The following MAPK6 variants were observed in gnomAD, a reference collection of about 807,000 sequenced individuals.
The protein encoded by MAPK6 is ERK-3.
In MAPK6, 19 loss-of-function variants were observed where a neutral mutation model predicts 59.3. The observed-to-expected ratio is 0.32, with a 90% CI of 0.22 to 0.47. MAPK6 has a LOEUF of 0.47. Among genes scored for constraint, MAPK6 ranks in the 20% least tolerant of loss-of-function variants. The pLI is 1.00. For synonymous variants in MAPK6, 316 were observed against 290.3 expected, an observed-to-expected ratio of 1.09 and a Z score of -0.90; for missense variants, 724 against 847.9, an observed-to-expected ratio of 0.85 and a Z score of 1.81.
intron 2 of MAPK6, among the ~76,000 whole-genome samples, chr15:52,049,486 C>G (rs940622846): frequency 6.6e-6 from 1 of 151,690 alleles, no homozygotes; most frequent in Non-Finnish European, 1.5e-5. Flanking sequence ...TGCCACCATG[C>G]CAGGCTAATT....
rs1188153169 is a variant in MAPK6 at position 52,066,133 on chromosome 15, A to G, written c.*1133A>G. 1.3e-5 allele frequency: 2 copies of G among 152,642 alleles called. No individual in the cohort carries two copies. Among genetic ancestry groups the G allele is most frequent in the African/African-American group, 4.8e-5 (2 of 41,466 alleles). 9.5% of individuals were successfully genotyped at this position (152,642 alleles called of 1,614,324 possible). A position where few individuals can be genotyped will look rare whatever the true frequency, so the allele number is the denominator to read the frequency against. On this transcript the variant is annotated 3_prime_UTR_variant, in exon 6 of 6. Coordinates refer to ENST00000261845, the MANE Select transcript of MAPK6 (RefSeq NM_002748.4). ...TCCCAAGGCAAGCATGAATAAAATTAGGTTAAACGTAGCATGTGGCATCGC... is the reference window on the plus strand; with the variant it reads ...TCCCAAGGCAAGCATGAATAAAATTGGGTTAAACGTAGCATGTGGCATCGC...
intron 3 of MAPK6, among the ~76,000 whole-genome samples, chr15:52,051,350 C>G (rs1275798096): frequency 1.3e-5 from 2 of 152,082 alleles, no homozygotes; most frequent in African/African-American, 4.8e-5. Context: ...AGCCACCCCA[C>G]CAGGCCCTCC....
At chr15:51,972,127 C>A (rs991842533) in intron 1 of MAPK6, among the ~76,000 whole-genome samples, 27 of 151,708 alleles carry the variant, frequency 1.8e-4, no homozygotes, top group Admixed American at 1.8e-3. Flanking sequence ...TTATTTCATC[C>A]CAAACCCCTT....
intron 2 of MAPK6, among the ~76,000 whole-genome samples, chr15:52,049,579 C>T (rs1044790489): frequency 2.7e-5 from 4 of 150,858 alleles, no homozygotes; most frequent in African/African-American, 9.8e-5. Flanking sequence ...CCACCTACCT[C>T]GGCCTCCCAA....
At chr15:51,972,890 C>T (rs1404799339) in intron 1 of MAPK6, among the ~76,000 whole-genome samples, 1 of 151,454 alleles carries the variant, frequency 6.6e-6, no homozygotes, top group Non-Finnish European at 1.5e-5. Context: ...GCATTTGTAG[C>T]CCTAGCTACT....
At position 52,065,798 on chromosome 15, in the gene MAPK6, A is replaced by G. The variant is rs1379664633; in HGVS notation, c.*798A>G. On this transcript the variant is annotated 3_prime_UTR_variant, in exon 6 of 6. Transcript: ENST00000261845. ...TTGTTGCCTACCTAGCTGCATCTAT[A>G]ATGTCAGCTTATCCTAAGGCTGTCC... 1 of 152,598 alleles carries G rather than the reference A, an allele frequency of 6.6e-6. No individual in the cohort carries two copies. The highest frequency in any genetic ancestry group is 1.5e-5 in the Non-Finnish European group (1 of 68,020). The allele number at this position is 152,598 out of a possible 1,614,324, so 9.5% of individuals were successfully genotyped here. A position where few individuals can be genotyped will look rare whatever the true frequency, so the allele number is the denominator to read the frequency against.
intron 1 of MAPK6, among the ~76,000 whole-genome samples, chr15:52,023,908 A>G (rs1043186676): frequency 2.0e-5 from 3 of 152,112 alleles, no homozygotes; most frequent in African/African-American, 7.2e-5. Flanking sequence ...CACCGCGCCC[A>G]GCCAATAGAG....
intron 1 of MAPK6, among the ~76,000 whole-genome samples, chr15:52,030,001 C>T (rs1880632156): frequency 6.6e-6 from 1 of 152,194 alleles, no homozygotes; most frequent in Non-Finnish European, 1.5e-5. Context: ...AGAATCCTGC[C>T]TCATGTGTTC....
At position 52,052,738 on chromosome 15, in the gene MAPK6, C is replaced by T. The variant is rs139074670; in HGVS notation, c.700+2601C>T. ...TATGTTAGTACTTTTTTCCTTTTTA[C>T]GGGCAAATAGTATTCTGCTATATGG... On this transcript the variant is annotated intron_variant, in intron 3 of 5. Coordinates refer to ENST00000261845, the MANE Select transcript of MAPK6 (RefSeq NM_002748.4). Among the ~76,000 whole-genome samples the T allele has an allele frequency of 5.2e-4, 79 of 152,246 alleles. 1 individual carries two copies. The highest frequency in any genetic ancestry group is 1.5e-3 in the African/African-American group (61 of 41,554).
At chr15:52,018,329 C>T (rs563487093), upstream of MAPK6, among the ~76,000 whole-genome samples, 5 of 152,166 alleles carry the variant, frequency 3.3e-5, no homozygotes, top group Non-Finnish European at 7.3e-5. Flanking sequence ...ACGCCTGGCC[C>T]TTTGTGATCT....
At chr15:52,032,424 A>T (rs899671759) in intron 1 of MAPK6, among the ~76,000 whole-genome samples, 1 of 143,878 alleles carries the variant, frequency 7.0e-6, no homozygotes, top group East Asian at 2.2e-4. Flanking sequence ...TCCCAGCCTC[A>T]GGTGATCCAT....
chr15:52,034,982 A>G (rs1466145303), intron 1 of MAPK6, among the ~76,000 whole-genome samples: 1 of 152,200 alleles, frequency 6.6e-6, no homozygotes, highest in Admixed American at 6.5e-5. Context: ...AATTGCAGGC[A>G]TGAGCCACTG....
intron 3 of MAPK6, among the ~76,000 whole-genome samples, chr15:52,056,066 ATTAGGTAT>A (rs760721029): frequency 6.6e-6 from 1 of 152,230 alleles, no homozygotes; most frequent in African/African-American, 2.4e-5. Flanking sequence ...GTGGTTATTA[ATTAGGTAT>A]AAGTTGCAAA....
upstream of MAPK6, among the ~76,000 whole-genome samples, chr15:52,016,165 C>A (rs1172990211): frequency 6.9e-6 from 1 of 145,002 alleles, no homozygotes; most frequent in Admixed American, 6.9e-5. Context: ...CTTTGGGAGG[C>A]CAAGGCGGGT....
In MAPK6 at chr15:52,046,417, A is replaced by G. The variant is rs1482164228; in HGVS notation, c.-44A>G. ...GATGCCAGTTTTCTTCCTTGTTTAC[A>G]CAAGTTCAATTTGAAAGGAAAAGGC... On this transcript the variant is annotated 5_prime_UTR_variant, in exon 2 of 6. Transcript: ENST00000261845. 30 of 1,433,704 alleles carry G rather than the reference A, an allele frequency of 2.1e-5. No individual in the cohort carries two copies. Among genetic ancestry groups the G allele is most frequent in the Non-Finnish European group, 2.7e-5 (28 of 1,054,702 alleles). 88.8% of individuals were successfully genotyped at this position (1,433,704 alleles called of 1,614,324 possible).
chr15:52,058,549 T>G (rs2141119076), intron 3 of MAPK6, 84 bp from the exon 4 acceptor site: 1 of 1,179,470 alleles, frequency 8.5e-7, no homozygotes, highest in East Asian at 2.7e-5. Flanking sequence ...CTGGTCATTA[T>G]AATATTTAAA....
upstream of MAPK6, among the ~76,000 whole-genome samples, chr15:52,018,341 T>G (rs1183512793): frequency 1.3e-5 from 2 of 152,192 alleles, no homozygotes; most frequent in Non-Finnish European, 2.9e-5. Flanking sequence ...TTGTGATCTT[T>G]TTGAAGTGGT....
chr15:52,007,708 A>C lies in MAPK6; in HGVS notation c.-632+3306A>C, dbSNP rs1595965889. Among the ~76,000 whole-genome samples, 4 of 152,044 alleles carry C rather than the reference A, an allele frequency of 2.6e-5. No homozygotes were observed. In the East Asian group the frequency reaches 5.8e-4, roughly 22 times the overall value. The stretch of plus-strand genomic sequence containing the variant: ...ATAGAGCTAGAGCTCTATCTCAAAA[A>C]AAAAAAAAAAATTAATTCCTTTGTG... On this transcript the variant is annotated intron_variant, in intron 3 of 7. Coordinates refer to the MAPK6 transcript ENST00000691380.
chr15:52,048,742 A>G (rs2470597), intron 2 of MAPK6, among the ~76,000 whole-genome samples: 150,141 of 151,090 alleles, frequency 0.99, 74,622 homozygotes, highest in Middle Eastern at 1. Context: ...CAACCTGCGC[A>G]GTGGCTCCTG....
Sources: gnomAD v4.1 joint callset for allele counts (sites outside exome capture counted in the v4.1 genomes callset) on GRCh38, gnomAD v4.1.1 for gene constraint, MANE v1.5 for transcripts, NCBI Gene and HGNC (gene_info 2026-07-23, HGNC 2026-07-21) for gene names.